Variants in PSD3 observed in about 807,000 individuals in gnomAD.
PSD3 encodes PH and SEC7 domain-containing protein 3.
A neutral mutation model predicts 105.5 loss-of-function variants in PSD3; 49 were observed. The observed-to-expected ratio is 0.46, with a 90% CI of 0.37 to 0.59. The LOEUF is 0.59. PSD3 is among the 20% of genes least tolerant of loss of function. The probability of loss-of-function intolerance (pLI) is 0.00; values close to 1 mark genes in which losing one functional copy is unlikely to be tolerated. For missense variants in PSD3, 1,561 were observed against 1,263.8 expected (o/e 1.24, Z -3.57); for synonymous variants, 557 against 457.8 (o/e 1.22, Z -2.77).
At chr8:18,574,527 G>C (rs898080983) in intron 13 of PSD3, among the ~76,000 whole-genome samples, 1 of 152,056 alleles carries the variant, frequency 6.6e-6, no homozygotes, top group African/African-American at 2.4e-5. Context: ...CCCTAAAACT[G>C]GCAATTCATC....
At chr8:18,739,329 A>G (rs928841503) in intron 9 of PSD3, among the ~76,000 whole-genome samples, 3 of 152,160 alleles carry the variant, frequency 2.0e-5, no homozygotes, top group African/African-American at 4.8e-5. Flanking sequence ...GTGTTCCCAT[A>G]CTTAATTATT....
intron 1 of PSD3, among the ~76,000 whole-genome samples, chr8:18,960,603 C>T (rs1823853953): frequency 6.6e-6 from 1 of 152,166 alleles, no homozygotes; most frequent in Middle Eastern, 3.2e-3. Flanking sequence ...ATTGTTCACA[C>T]AACAGGGCTG....
At chr8:19,013,829 C>CGGGGGGCGCAGGG, upstream of PSD3, 1 of 134,144 alleles carries the variant, frequency 7.5e-6, no homozygotes, top group East Asian at 2.7e-4. Flanking sequence ...GTGGCGGGCC[C>CGGGGGGCGCAGGG]CGGGGGCGGA....
chr8:18,879,335 T>C (rs529060388), intron 2 of PSD3, among the ~76,000 whole-genome samples: 4 of 152,208 alleles, frequency 2.6e-5, no homozygotes, highest in South Asian at 4.2e-4. Context: ...GCGTGACAGA[T>C]TGCTTGCTTT....
chr8:18,674,959 C>G (rs1243811033), intron 9 of PSD3, among the ~76,000 whole-genome samples: 1 of 152,002 alleles, frequency 6.6e-6, no homozygotes, highest in Non-Finnish European at 1.5e-5. Context: ...TATGTTCTTA[C>G]TACTGCACTC....
chr8:18,705,409 T>C (rs1363577703), intron 9 of PSD3, among the ~76,000 whole-genome samples: 3 of 151,822 alleles, frequency 2.0e-5, no homozygotes, highest in Non-Finnish European at 2.9e-5. Context: ...CGTGTGCCTG[T>C]AGTCTTAGCT....
intron 1 of PSD3, among the ~76,000 whole-genome samples, chr8:18,975,432 T>C (rs1824888193): frequency 1.3e-5 from 2 of 151,844 alleles, no homozygotes; most frequent in South Asian, 2.1e-4. Flanking sequence ...ATGGAAGGCA[T>C]ATGCTAAAAG....
chr8:18,935,565 C>T (rs897943654), intron 2 of PSD3, among the ~76,000 whole-genome samples: 4 of 150,702 alleles, frequency 2.7e-5, no homozygotes, highest in African/African-American at 9.8e-5. Flanking sequence ...GGTGTGGTGG[C>T]ATATGCCTGT....
chr8:18,585,230 A>G (rs1803091229), intron 12 of PSD3, among the ~76,000 whole-genome samples: 1 of 152,210 alleles, frequency 6.6e-6, no homozygotes, highest in South Asian at 2.1e-4. Flanking sequence ...ATGGTTGAGA[A>G]GGCCTAACTC....
chr8:18,860,774 T>C (rs958791977), intron 4 of PSD3, among the ~76,000 whole-genome samples: 4 of 152,198 alleles, frequency 2.6e-5, no homozygotes, highest in African/African-American at 9.7e-5. Flanking sequence ...AAAAGTTAAA[T>C]ATTGTACTGA....
At chr8:18,828,067 A>ATATATATTT (rs371473289) in intron 4 of PSD3, among the ~76,000 whole-genome samples, 30 of 118,880 alleles carry the variant, frequency 2.5e-4, no homozygotes, top group African/African-American at 9.8e-4. Flanking sequence ...ATATATATAT[A>ATATATATTT]TTTTTTTTTT....
At chr8:19,071,870 C>A (rs959905976) in intron 1 of PSD3, among the ~76,000 whole-genome samples, 3 of 151,978 alleles carry the variant, frequency 2.0e-5, no homozygotes, top group African/African-American at 4.8e-5. Flanking sequence ...CCACCACACC[C>A]GGCTAATTTT....
At chr8:18,611,985 G>A (rs1805301434) in intron 11 of PSD3, among the ~76,000 whole-genome samples, 1 of 152,166 alleles carries the variant, frequency 6.6e-6, no homozygotes, top group African/African-American at 2.4e-5. Context: ...AAGACTTGAT[G>A]ATGACTATCA....
chr8:18,643,502 C>G (rs967554630), intron 10 of PSD3, among the ~76,000 whole-genome samples: 1 of 152,156 alleles, frequency 6.6e-6, no homozygotes, highest in Non-Finnish European at 1.5e-5. Context: ...AAATTTCCCA[C>G]CAGCTGTGGG....
chr8:18,871,087 A>C (rs1243305459), intron 3 of PSD3, among the ~76,000 whole-genome samples: 2 of 152,198 alleles, frequency 1.3e-5, no homozygotes, highest in Non-Finnish European at 2.9e-5. Flanking sequence ...GGACAGAACA[A>C]GACCCTGTCT....
rs73593512 is a variant in PSD3 at position 18,721,879 on chromosome 8, C to T, written c.2172+43570G>A. On this transcript the variant is annotated intron_variant, in intron 9 of 15. Transcript: ENST00000327040. ...AAAAGTGAGCTTTTTAAAAGGCCTA[C>T]GAGACACCCAATGGCTGCACACATA... 5.6e-3 allele frequency among the ~76,000 whole-genome samples: 854 copies of T among 152,146 alleles called. 9 individuals are homozygous for T. The highest frequency in any genetic ancestry group is 0.019 in the African/African-American group (798 of 41,484).
chr8:18,766,759 A>G (rs1351883182), intron 8 of PSD3, among the ~76,000 whole-genome samples: 1 of 152,240 alleles, frequency 6.6e-6, no homozygotes, highest in Admixed American at 6.5e-5. Flanking sequence ...CAGAATATCA[A>G]CATTATCTTG....
chr8:18,564,366 C>A (rs7008125), intron 14 of PSD3, among the ~76,000 whole-genome samples: 1 of 151,880 alleles, frequency 6.6e-6, no homozygotes, highest in Non-Finnish European at 1.5e-5. Flanking sequence ...CGGTGGCTCA[C>A]GCCTGTAATC....
At chr8:18,838,942 A>T (rs1814384127) in intron 4 of PSD3, among the ~76,000 whole-genome samples, 1 of 152,048 alleles carries the variant, frequency 6.6e-6, no homozygotes, top group South Asian at 2.1e-4. Flanking sequence ...TTTCTCAATC[A>T]TCTTAATTGG....
Sources: gnomAD v4.1 joint callset for allele counts (sites outside exome capture counted in the v4.1 genomes callset) on GRCh38, gnomAD v4.1.1 for gene constraint, MANE v1.5 for transcripts, NCBI Gene and HGNC (gene_info 2026-07-23, HGNC 2026-07-21) for gene names.